The following PCDHA6 variants were observed in gnomAD, a reference collection of about 807,000 sequenced individuals.
PCDHA6 encodes protocadherin alpha-6.
A neutral mutation model predicts 60.3 loss-of-function variants in PCDHA6; 55 were observed. That is an observed-to-expected ratio of 0.91 (90% confidence interval 0.73 to 1.14). The LOEUF is 1.14. PCDHA6 is among the 50% of genes most tolerant of loss of function. The pLI is 0.00. For missense variants in PCDHA6, 1,327 were observed against 1,256.5 expected, an observed-to-expected ratio of 1.06 and a Z score of -0.85; for synonymous variants, 652 against 557.9, an observed-to-expected ratio of 1.17 and a Z score of -2.38.
intron 3 of PCDHA6, among the ~76,000 whole-genome samples, chr5:140,991,894 C>T (rs1426754578): frequency 6.6e-6 from 1 of 152,164 alleles, no homozygotes; most frequent in Non-Finnish European, 1.5e-5. Context: ...AACAAATTAA[C>T]ACAAAATCCC....
intron 1 of PCDHA6, among the ~76,000 whole-genome samples, chr5:140,944,007 C>T (rs1181625750): frequency 1.3e-5 from 2 of 152,046 alleles, no homozygotes; most frequent in Non-Finnish European, 2.9e-5. Flanking sequence ...TGAGTACCCC[C>T]CAAAAGCAAT....
intron 1 of PCDHA6, chr5:140,883,869 A>G: frequency 6.2e-7 from 1 of 1,613,112 alleles, no homozygotes; most frequent in South Asian, 1.1e-5. Context: ...TTGCAGTTCC[A>G]GGTGAGCGCG....
rs1554148266 is a variant in PCDHA6 at position 140,856,152 on chromosome 5, A to C, written c.2394+25667A>C. On this transcript the variant is annotated intron_variant, in intron 1 of 3. Coordinates refer to ENST00000529310, the MANE Select transcript of PCDHA6 (RefSeq NM_018909.4). ...AGCGGCCAGCTCCACTACTCAGTCT[A>C]CGAGGAGGCCAGACACGGCACCTTC... The C allele has an allele frequency of 6.3e-6, 10 of 1,598,178 alleles. 1 individual carries two copies. Among genetic ancestry groups the C allele is most frequent in the Middle Eastern group, 1.7e-4 (1 of 5,990 alleles).
intron 1 of PCDHA6, chr5:140,929,155 C>G: frequency 6.2e-7 from 1 of 1,614,156 alleles, no homozygotes; most frequent in Non-Finnish European, 8.5e-7. Flanking sequence ...TCAGACTTAT[C>G]TCTATCGGGC....
chr5:141,002,918 GAACACCCTCC>G (rs1554258833), intron 3 of PCDHA6, among the ~76,000 whole-genome samples: 1 of 152,192 alleles, frequency 6.6e-6, no homozygotes, highest in Non-Finnish European at 1.5e-5. Flanking sequence ...TCAGAAAAGT[GAACACCCTCC>G]AACACCCTCC....
chr5:140,926,323 G>C (rs977416438), intron 1 of PCDHA6: 1 of 152,270 alleles, frequency 6.6e-6, no homozygotes, highest in South Asian at 2.1e-4. Flanking sequence ...GGTGCGCCGG[G>C]GTCAGAGCGC....
At chr5:140,939,281 G>C (rs1554212652) in intron 1 of PCDHA6, among the ~76,000 whole-genome samples, 1 of 152,014 alleles carries the variant, frequency 6.6e-6, no homozygotes. Context: ...CTGTGCCCTC[G>C]TGATCTAATC....
intron 3 of PCDHA6, among the ~76,000 whole-genome samples, chr5:140,987,959 C>T (rs1222591572): frequency 1.3e-5 from 2 of 152,132 alleles, no homozygotes; most frequent in South Asian, 2.1e-4. Context: ...AAACCAACTC[C>T]CCATGGAAAG....
intron 1 of PCDHA6, chr5:140,881,460 G>T: frequency 1.6e-6 from 1 of 637,280 alleles, no homozygotes; most frequent in Non-Finnish European, 2.0e-6. Flanking sequence ...AAACCTTAGA[G>T]CATTGTTGTG....
intron 1 of PCDHA6, among the ~76,000 whole-genome samples, chr5:140,918,108 A>G (rs1283760333): frequency 2.6e-5 from 4 of 152,166 alleles, no homozygotes; most frequent in Non-Finnish European, 5.9e-5. Context: ...GATCTTTCAC[A>G]TCCTTGATTA....
At position 140,933,976 on chromosome 5, in the gene PCDHA6, A is replaced by G. The variant is rs1359426492; in HGVS notation, c.2395-44973A>G. ...ATCTGTAGTGATGTTTCCCTTTTCA[A>G]TCCTGGTGTTAGTGTCACCTCTCAT... On this transcript the variant is annotated intron_variant, in intron 1 of 3. Coordinates refer to ENST00000529310, the MANE Select transcript of PCDHA6 (RefSeq NM_018909.4). Among the ~76,000 whole-genome samples, 3 of 151,666 alleles carry G rather than the reference A, an allele frequency of 2.0e-5. No homozygotes were observed. The East Asian group carries it at 5.8e-4, about 29-fold the overall frequency.
chr5:140,942,132 TG>T (rs1554214846), intron 1 of PCDHA6, among the ~76,000 whole-genome samples: 1 of 152,250 alleles, frequency 6.6e-6, no homozygotes, highest in African/African-American at 2.4e-5. Flanking sequence ...GTGATATTTG[TG>T]GCTTTACTTG....
In PCDHA6 at chr5:140,946,774, T is replaced by G. The variant is rs57013515; in HGVS notation, c.2395-32175T>G. On this transcript the variant is annotated intron_variant, in intron 1 of 3. Coordinates refer to ENST00000529310, the MANE Select transcript of PCDHA6 (RefSeq NM_018909.4). ...TGCATGATCTCATTCATGTGGAATGTAAAAAAGCTGATCTTATAGAAGCAG... is the reference window on the plus strand; with the variant it reads ...TGCATGATCTCATTCATGTGGAATGGAAAAAAGCTGATCTTATAGAAGCAG... Among the ~76,000 whole-genome samples, 481 of 151,404 alleles carry G rather than the reference T, an allele frequency of 3.2e-3. 2 individuals are homozygous for G. Among genetic ancestry groups the G allele is most frequent in the African/African-American group, 0.011 (462 of 41,264 alleles).
At chr5:140,871,564 C>A (rs782409405) in intron 1 of PCDHA6, 7 of 1,482,594 alleles carry the variant, frequency 4.7e-6, no homozygotes, top group Non-Finnish European at 6.3e-6. Context: ...TTTTTTTTCA[C>A]GGATTTTTTA....
chr5:140,878,927 A>G (rs1176306554), intron 1 of PCDHA6, among the ~76,000 whole-genome samples: 1 of 152,216 alleles, frequency 6.6e-6, no homozygotes, highest in African/African-American at 2.4e-5. Context: ...TCAATCAATA[A>G]TTTTAAATAA....
chr5:140,915,626 GTC>G (rs57920489), intron 1 of PCDHA6, among the ~76,000 whole-genome samples: 12,146 of 145,794 alleles, frequency 0.083, 491 homozygotes, highest in Middle Eastern at 0.12. Context: ...GTCTCTTTCT[GTC>G]TCTCTCTCTC....
chr5:140,990,605 A>T (rs1234326404), intron 3 of PCDHA6, among the ~76,000 whole-genome samples: 4 of 152,214 alleles, frequency 2.6e-5, no homozygotes, highest in Non-Finnish European at 4.4e-5. Flanking sequence ...GAGTCAGATG[A>T]ATACCGTAAA....
chr5:140,968,768 C>T, intron 1 of PCDHA6: 1 of 1,614,174 alleles, frequency 6.2e-7, no homozygotes, highest in South Asian at 1.1e-5. Flanking sequence ...TAATGGAGAG[C>T]CATCACTATC....
chr5:140,829,652 C>CA lies in PCDHA6; in HGVS notation c.1562dup (p.Pro522AlafsTer77). The CA allele has an allele frequency of 6.2e-7, 1 of 1,612,488 alleles. No individual in the cohort carries two copies. The highest frequency in any genetic ancestry group is 8.5e-7 in the Non-Finnish European group (1 of 1,179,802). On this transcript the variant is annotated frameshift_variant, in exon 1 of 4. Coordinates refer to ENST00000529310, the MANE Select transcript of PCDHA6 (RefSeq NM_018909.4). LOFTEE classifies it high-confidence loss of function. ...GGAGAGCGGCAAGGTGTACGCGCTG[C>CA]AGCCGCTGGACCACGAGGAGCTAGA...
Sources: allele counts gnomAD v4.1 joint callset (sites outside exome capture counted in the v4.1 genomes callset), GRCh38; gene constraint gnomAD v4.1.1; transcripts MANE v1.5; gene names NCBI Gene and HGNC (gene_info 2026-07-23, HGNC 2026-07-21).